Variants in TNNI3K observed in about 807,000 individuals in gnomAD.
The protein encoded by TNNI3K is TNNI3 interacting kinase.
Under a neutral mutation model 114.5 loss-of-function variants are expected in TNNI3K, and 140 were observed. The observed-to-expected ratio is 1.22, with a 90% CI of 1.07 to 1.41. TNNI3K has a LOEUF of 1.41. TNNI3K is among the 40% of genes most tolerant of loss of function. The pLI is 0.00. For missense variants in TNNI3K, 1,125 were observed against 1,007.6 expected, an observed-to-expected ratio of 1.12 and a Z score of -1.58; for synonymous variants, 347 against 347.5, an observed-to-expected ratio of 1.00 and a Z score of 0.02.
At chr1:74,503,913 T>C (rs987372606) in intron 23 of TNNI3K, among the ~76,000 whole-genome samples, 1 of 152,172 alleles carries the variant, frequency 6.6e-6, no homozygotes, top group Non-Finnish European at 1.5e-5. Context: ...TATACCTCAT[T>C]ATGTTCCTGA....
At chr1:74,360,672 C>T (rs1371551837) in intron 11 of TNNI3K, among the ~76,000 whole-genome samples, 1 of 152,010 alleles carries the variant, frequency 6.6e-6, no homozygotes, top group Non-Finnish European at 1.5e-5. Flanking sequence ...TCACCCCATT[C>T]TTTAAATTTC....
chr1:74,399,576 G>A (rs543967012), intron 17 of TNNI3K, among the ~76,000 whole-genome samples: 4 of 152,100 alleles, frequency 2.6e-5, no homozygotes, highest in East Asian at 2.0e-4. Flanking sequence ...GGGTGGGGCC[G>A]GGGGGCGGGC....
intron 2 of TNNI3K, chr1:74,240,016 C>A (rs563243669): frequency 8.5e-6 from 4 of 467,952 alleles, no homozygotes; most frequent in Non-Finnish European, 1.8e-5. Flanking sequence ...GAAAGAAAGA[C>A]AGAAAGGGCA....
At chr1:74,529,845 C>T (rs529592887) in intron 23 of TNNI3K, among the ~76,000 whole-genome samples, 5 of 152,328 alleles carry the variant, frequency 3.3e-5, no homozygotes, top group South Asian at 2.1e-4. Flanking sequence ...GCTTTGCTCT[C>T]TCCCTGGATG....
At chr1:74,504,303 A>C (rs1432711872) in intron 23 of TNNI3K, among the ~76,000 whole-genome samples, 30 of 152,154 alleles carry the variant, frequency 2.0e-4, no homozygotes. Flanking sequence ...GCTTGTTTTT[A>C]GCTGCCTTGC....
intron 11 of TNNI3K, among the ~76,000 whole-genome samples, chr1:74,365,142 A>G (rs1339892320): frequency 1.3e-5 from 2 of 152,100 alleles, no homozygotes; most frequent in African/African-American, 4.8e-5. Context: ...TTAGAACTGT[A>G]AGGCATATTA....
At chr1:74,424,623 G>A (rs1295937926) in intron 17 of TNNI3K, among the ~76,000 whole-genome samples, 1 of 149,952 alleles carries the variant, frequency 6.7e-6, no homozygotes, top group Non-Finnish European at 1.5e-5. Context: ...AGAGGCTGAG[G>A]CAAGAGAATC....
chr1:74,505,705 A>G (rs1236826070), intron 23 of TNNI3K, among the ~76,000 whole-genome samples: 3 of 152,158 alleles, frequency 2.0e-5, no homozygotes, highest in East Asian at 1.9e-4. Flanking sequence ...GTCATTTCTC[A>G]TTATCTCCTT....
chr1:74,361,881 T>C (rs1431843980), intron 11 of TNNI3K, among the ~76,000 whole-genome samples: 1 of 152,090 alleles, frequency 6.6e-6, no homozygotes, highest in East Asian at 1.9e-4. Flanking sequence ...ATAATTTAGT[T>C]TGGATATAAA....
chr1:74,353,638 G>T (rs911626384), intron 10 of TNNI3K, among the ~76,000 whole-genome samples: 75 of 108,386 alleles, frequency 6.9e-4, no homozygotes, highest in African/African-American at 1.9e-3. Context: ...CCCTTGATTT[G>T]GTGATCAAAA....
At chr1:74,474,727 A>T (rs1189379220) in intron 21 of TNNI3K, among the ~76,000 whole-genome samples, 1 of 152,154 alleles carries the variant, frequency 6.6e-6, no homozygotes. Context: ...TGTCACGGCC[A>T]GATTCACTTG....
chr1:74,502,278 C>T (rs889139218), intron 23 of TNNI3K, among the ~76,000 whole-genome samples: 4 of 152,128 alleles, frequency 2.6e-5, no homozygotes, highest in Non-Finnish European at 4.4e-5. Flanking sequence ...TAGAACAGTG[C>T]CCGGTACATG....
At position 74,486,106 on chromosome 1, in the gene TNNI3K, A is replaced by T. The variant is rs138127152; in HGVS notation, c.2122-3083A>T. On this transcript the variant is annotated intron_variant, in intron 21 of 24. Coordinates refer to ENST00000326637, the MANE Select transcript of TNNI3K (RefSeq NM_015978.3). ...TAACTAATACACTCCAGTTGCCCTGAATTCTGTCCTCTGTTCCTTCAAACA... is the reference window on the plus strand; with the variant it reads ...TAACTAATACACTCCAGTTGCCCTGTATTCTGTCCTCTGTTCCTTCAAACA... Among the ~76,000 whole-genome samples, 544 of 151,732 alleles carry T rather than the reference A, an allele frequency of 3.6e-3. 4 individuals are homozygous for T. The highest frequency in any genetic ancestry group is 0.013 in the African/African-American group (522 of 41,186).
intron 21 of TNNI3K, chr1:74,471,205 G>C (rs970008610): frequency 2.5e-6 from 1 of 400,564 alleles, no homozygotes; most frequent in African/African-American, 2.1e-5. Context: ...GAGCAGGGGG[G>C]CACGTTTAGT....
chr1:74,396,428 AAG>A (rs1296691033), intron 17 of TNNI3K, among the ~76,000 whole-genome samples: 1 of 152,244 alleles, frequency 6.6e-6, no homozygotes, highest in Non-Finnish European at 1.5e-5. Context: ...GAATTTTAAA[AAG>A]AGAATGAGGC....
intron 23 of TNNI3K, among the ~76,000 whole-genome samples, chr1:74,494,938 G>A (rs1570698713): frequency 1.3e-5 from 2 of 152,152 alleles, no homozygotes; most frequent in Admixed American, 6.5e-5. Context: ...AGAATAGGAG[G>A]CACAGCAGCA....
At chr1:74,286,393 T>C (rs753431909) in intron 5 of TNNI3K, among the ~76,000 whole-genome samples, 1 of 151,860 alleles carries the variant, frequency 6.6e-6, no homozygotes, top group Non-Finnish European at 1.5e-5. Context: ...CCCTCACAGC[T>C]CCAGGCCTGC....
intron 23 of TNNI3K, among the ~76,000 whole-genome samples, chr1:74,510,075 TG>T (rs1356837647): frequency 6.6e-6 from 1 of 152,200 alleles, no homozygotes; most frequent in Non-Finnish European, 1.5e-5. Flanking sequence ...GTGTATTCTT[TG>T]GGTATTTTAT....
At chr1:74,245,837 C>CT (rs947745498) in intron 2 of TNNI3K, among the ~76,000 whole-genome samples, 25 of 152,116 alleles carry the variant, frequency 1.6e-4, no homozygotes, top group South Asian at 4.1e-4. Flanking sequence ...TATTCCCAAA[C>CT]TTTTTTTACC....
Sources: allele counts gnomAD v4.1 joint callset (sites outside exome capture counted in the v4.1 genomes callset), GRCh38; gene constraint gnomAD v4.1.1; transcripts MANE v1.5; gene names NCBI Gene and HGNC (gene_info 2026-07-23, HGNC 2026-07-21).